PCDH9: variants seen among roughly 807,000 people sequenced by gnomAD.
PCDH9 encodes the protein protocadherin 9, also known as protocadherin-9.
In PCDH9, 24 loss-of-function variants were observed where a neutral mutation model predicts 70.6. The ratio of observed to expected loss-of-function variants is 0.34; its 90% CI spans 0.25 to 0.48. The LOEUF (loss-of-function observed/expected upper bound fraction) is 0.48, where lower values mean the gene tolerates loss of function less well. Ranked by LOEUF, PCDH9 falls within the 20% of genes least tolerant of loss-of-function variation. PCDH9 has a pLI of 0.99. For missense variants in PCDH9, 1,281 were observed against 1,503.6 expected, an observed-to-expected ratio of 0.85 and a Z score of 2.45; for synonymous variants, 562 against 558.5, an observed-to-expected ratio of 1.01 and a Z score of -0.09.
chr13:66,902,314 T>A (rs1390798449), intron 3 of PCDH9, among the ~76,000 whole-genome samples: 1 of 151,648 alleles, frequency 6.6e-6, no homozygotes, highest in Non-Finnish European at 1.5e-5. Context: ...GATAGAGCTG[T>A]TCGAAATATT....
intron 4 of PCDH9, among the ~76,000 whole-genome samples, chr13:66,465,895 T>C (rs1439969941): frequency 3.3e-5 from 5 of 151,966 alleles, no homozygotes; most frequent in Non-Finnish European, 5.9e-5. Context: ...GAAATAATAG[T>C]ATTAGACCCC....
intron 4 of PCDH9, among the ~76,000 whole-genome samples, chr13:66,371,534 C>G (rs1760921308): frequency 6.6e-6 from 1 of 151,906 alleles, no homozygotes; most frequent in South Asian, 2.1e-4. Context: ...TATAATATTT[C>G]TGGAGAAAAA....
intron 3 of PCDH9, among the ~76,000 whole-genome samples, chr13:66,664,103 T>A (rs1211435906): frequency 6.6e-6 from 1 of 152,212 alleles, no homozygotes; most frequent in African/African-American, 2.4e-5. Flanking sequence ...CAAAGTGTGA[T>A]ATATACTAAT....
chr13:67,100,716 T>C (rs912436599), intron 2 of PCDH9, among the ~76,000 whole-genome samples: 2 of 152,238 alleles, frequency 1.3e-5, no homozygotes, highest in Non-Finnish European at 2.9e-5. Context: ...CTTTGGCTTA[T>C]CATCTTCTAA....
chr13:66,898,673 GATT>G (rs1566276476), intron 3 of PCDH9, among the ~76,000 whole-genome samples: 3 of 151,954 alleles, frequency 2.0e-5, no homozygotes, highest in Non-Finnish European at 2.9e-5. Context: ...CACTAAATCA[GATT>G]TCGTGTATGA....
intron 4 of PCDH9, among the ~76,000 whole-genome samples, chr13:66,579,517 G>A (rs1487419295): frequency 1.3e-5 from 2 of 152,062 alleles, no homozygotes; most frequent in African/African-American, 4.8e-5. Flanking sequence ...TTTCGATGCT[G>A]ACAATTTTGC....
chr13:66,546,887 A>G (rs1357113870), intron 4 of PCDH9, among the ~76,000 whole-genome samples: 1 of 152,184 alleles, frequency 6.6e-6, no homozygotes, highest in Non-Finnish European at 1.5e-5. Context: ...TGCACTTAGT[A>G]TTCAGTAAAG....
At chr13:66,736,513 T>C (rs1349791088) in intron 3 of PCDH9, among the ~76,000 whole-genome samples, 1 of 152,162 alleles carries the variant, frequency 6.6e-6, no homozygotes, top group Non-Finnish European at 1.5e-5. Flanking sequence ...AAAATAAATT[T>C]CTGTTGTTTA....
chr13:67,027,481 G>A (rs934521101), intron 2 of PCDH9, among the ~76,000 whole-genome samples: 16 of 152,064 alleles, frequency 1.1e-4, no homozygotes, highest in African/African-American at 3.9e-4. Flanking sequence ...GAAAACCTAG[G>A]CATTACCATT....
intron 2 of PCDH9, among the ~76,000 whole-genome samples, chr13:67,108,289 C>T (rs2086588126): frequency 6.6e-6 from 1 of 152,092 alleles, no homozygotes; most frequent in South Asian, 2.1e-4. Context: ...GCCAAGGATC[C>T]CATGACAGTA....
chr13:66,905,287 T>A (rs948694781), intron 2 of PCDH9, among the ~76,000 whole-genome samples: 18 of 152,114 alleles, frequency 1.2e-4, no homozygotes, highest in African/African-American at 3.6e-4. Context: ...CACATATCTA[T>A]TCATGCTGAT....
chr13:66,382,208 C>A (rs1228876387), intron 4 of PCDH9, among the ~76,000 whole-genome samples: 15 of 152,158 alleles, frequency 9.9e-5, no homozygotes, highest in Non-Finnish European at 1.5e-5. Context: ...CTAAATTCAT[C>A]ATGAAAACAA....
chr13:66,933,239 A>C lies in PCDH9; in HGVS notation c.3037-29634T>G, dbSNP rs74776797. On this transcript the variant is annotated intron_variant, in intron 2 of 4. Coordinates refer to ENST00000377865, the MANE Select transcript of PCDH9 (RefSeq NM_203487.3). Reference sequence around the variant, plus strand: ...ATTTTAATAAAGAACTTTCTTCTTAATAATCCAGGAACTAAAATGCCTTTT... The same window carrying C: ...ATTTTAATAAAGAACTTTCTTCTTACTAATCCAGGAACTAAAATGCCTTTT... Among the ~76,000 whole-genome samples the C allele has an allele frequency of 9.3e-3, 1,421 of 152,236 alleles. 17 individuals are homozygous for C. Among genetic ancestry groups the C allele is most frequent in the Non-Finnish European group, 0.017 (1,146 of 67,958 alleles).
chr13:66,383,150 A>G (rs1053577860), intron 4 of PCDH9, among the ~76,000 whole-genome samples: 3 of 152,210 alleles, frequency 2.0e-5, no homozygotes, highest in Admixed American at 2.0e-4. Flanking sequence ...GATGATCAAC[A>G]ACACTGTCTG....
chr13:67,219,071 C>G (rs926973983), intron 2 of PCDH9: 14 of 151,996 alleles, frequency 9.2e-5, no homozygotes, highest in Non-Finnish European at 2.1e-4. Context: ...GATTCTGCCA[C>G]TATTCTTGTC....
chr13:66,875,721 C>T (rs1331043159), intron 3 of PCDH9, among the ~76,000 whole-genome samples: 3 of 152,150 alleles, frequency 2.0e-5, no homozygotes, highest in African/African-American at 7.2e-5. Flanking sequence ...AGTAATCTTT[C>T]TCTAGTTTAT....
At chr13:66,907,266 G>T (rs1802287516) in intron 2 of PCDH9, among the ~76,000 whole-genome samples, 1 of 152,100 alleles carries the variant, frequency 6.6e-6, no homozygotes, top group Non-Finnish European at 1.5e-5. Context: ...TTTACTGTTT[G>T]CCCAATTTAA....
intron 4 of PCDH9, among the ~76,000 whole-genome samples, chr13:66,441,735 G>T (rs979958877): frequency 6.6e-6 from 1 of 151,752 alleles, no homozygotes; most frequent in African/African-American, 2.4e-5. Context: ...ATTTATTACA[G>T]CTTTTATTTT....
At position 66,891,935 on chromosome 13, in the gene PCDH9, G is replaced by T. The variant is rs1336271184; in HGVS notation, c.3138+11569C>A. On this transcript the variant is annotated intron_variant, in intron 3 of 4. Coordinates refer to ENST00000377865, the MANE Select transcript of PCDH9 (RefSeq NM_203487.3). ...TGGATATCAGGGCCCTTCACCTTCT[G>T]TAGCTAGAAAACAGACTCTAAAACA... Among the ~76,000 whole-genome samples the T allele has an allele frequency of 5.9e-5, 9 of 151,818 alleles. No individual in the cohort carries two copies. In the East Asian group the frequency reaches 1.7e-3, roughly 29 times the overall value.
Sources: gnomAD v4.1 joint callset for allele counts (sites outside exome capture counted in the v4.1 genomes callset) on GRCh38, gnomAD v4.1.1 for gene constraint, MANE v1.5 for transcripts, NCBI Gene and HGNC (gene_info 2026-07-23, HGNC 2026-07-21) for gene names.